Variants in BCAS3 observed in about 807,000 individuals in gnomAD.
BCAS3 encodes BCAS3 microtubule associated cell migration factor.
In BCAS3, 53 loss-of-function variants were observed where a neutral mutation model predicts 116.1. The ratio of observed to expected loss-of-function variants is 0.46; its 90% confidence interval spans 0.37 to 0.57. The LOEUF (loss-of-function observed/expected upper bound fraction) is 0.57. BCAS3 is among the 20% of genes least tolerant of loss of function. The pLI, the probability that BCAS3 is intolerant of heterozygous loss-of-function variation, is 0.00. For missense variants in BCAS3, 917 were observed against 1,165.4 expected (o/e 0.79, Z 3.10); for synonymous variants, 391 against 408.2 (o/e 0.96, Z 0.51).
chr17:60,783,443 A>T (rs914899475), intron 6 of BCAS3, among the ~76,000 whole-genome samples: 7 of 152,058 alleles, frequency 4.6e-5, no homozygotes, highest in Non-Finnish European at 1.0e-4. Context: ...GGGCTCAGGC[A>T]GTCTGCCTGC....
intron 22 of BCAS3, among the ~76,000 whole-genome samples, chr17:61,322,916 G>A (rs1440502624): frequency 3.3e-5 from 5 of 151,476 alleles, no homozygotes; most frequent in Admixed American, 6.6e-5. Flanking sequence ...GGGGCAAATC[G>A]TCATGGAATA....
chr17:60,976,640 T>A (rs2062399985), intron 14 of BCAS3, among the ~76,000 whole-genome samples: 4 of 152,186 alleles, frequency 2.6e-5, no homozygotes, highest in Middle Eastern at 3.4e-3. Context: ...TGGTGATGAC[T>A]CTTAAGGAGT....
chr17:61,344,460 T>C lies in BCAS3; in HGVS notation c.2426-23867T>C, dbSNP rs2057377599. On this transcript the variant is annotated intron_variant, in intron 22 of 23. Transcript: ENST00000407086. The surrounding 1 kb of genome is among the most constrained non-coding windows in gnomAD (Gnocchi z 4.1). ...TAAGTCCTTGATTCTCTGAGACCAC[T>C]ATAGAGACTTTAAAGAAGGTGGGTC... Among the ~76,000 whole-genome samples, 1 of 152,180 alleles carries C rather than the reference T, an allele frequency of 6.6e-6. No homozygotes were observed. Among genetic ancestry groups the C allele is most frequent in the Non-Finnish European group, 1.5e-5 (1 of 68,038 alleles).
chr17:61,170,072 C>T (rs2078748741), intron 22 of BCAS3, among the ~76,000 whole-genome samples: 1 of 151,934 alleles, frequency 6.6e-6, no homozygotes, highest in Non-Finnish European at 1.5e-5. Context: ...CCAGGCTGGT[C>T]TCGAACTCCT....
intron 16 of BCAS3, among the ~76,000 whole-genome samples, chr17:61,018,188 C>T (rs1490600758): frequency 6.6e-6 from 1 of 151,708 alleles, no homozygotes; most frequent in Non-Finnish European, 1.5e-5. Context: ...GATACTTGTC[C>T]CACAATGAGT....
chr17:61,041,247 A>G lies in BCAS3; in HGVS notation c.2029+355A>G, dbSNP rs996877922. Among the ~76,000 whole-genome samples, 7 of 151,960 alleles carry G rather than the reference A, an allele frequency of 4.6e-5. No homozygotes were observed. Among genetic ancestry groups the G allele is most frequent in the Non-Finnish European group, 8.8e-5 (6 of 67,998 alleles). ...GGAATCTGTTTCTAACATGGAAAAA[A>G]AAAAACCCCAAAACTTAGCACAGTT... On this transcript the variant is annotated intron_variant, in intron 19 of 23. Coordinates refer to ENST00000407086, the MANE Select transcript of BCAS3 (RefSeq NM_017679.5). This position sits in a 1 kb window ranked among gnomAD's most constrained non-coding sequence, Gnocchi z 4.7.
intron 22 of BCAS3, among the ~76,000 whole-genome samples, chr17:61,247,080 C>T (rs1445277810): frequency 6.6e-6 from 1 of 152,098 alleles, no homozygotes; most frequent in African/African-American, 2.4e-5. Flanking sequence ...TTCACTGCTA[C>T]TTTCTGACAT....
intron 7 of BCAS3, among the ~76,000 whole-genome samples, chr17:60,860,545 C>G (rs1263932885): frequency 6.6e-6 from 1 of 152,210 alleles, no homozygotes; most frequent in Non-Finnish European, 1.5e-5. Context: ...CTTATAAAAT[C>G]TTTGCCAGGG....
intron 22 of BCAS3, among the ~76,000 whole-genome samples, chr17:61,110,475 G>C (rs1407270431): frequency 6.6e-6 from 1 of 152,230 alleles, no homozygotes; most frequent in Non-Finnish European, 1.5e-5. Flanking sequence ...TCAAAGAAAG[G>C]GGTGACGGAC....
chr17:61,287,843 A>T (rs982381019), intron 22 of BCAS3, among the ~76,000 whole-genome samples: 2 of 152,272 alleles, frequency 1.3e-5, no homozygotes, highest in Admixed American at 1.3e-4. Context: ...TGTTCAGTAC[A>T]TACTATGTGC....
At chr17:61,076,566 G>T (rs751034917) in intron 20 of BCAS3, among the ~76,000 whole-genome samples, 1 of 152,240 alleles carries the variant, frequency 6.6e-6, no homozygotes, top group Non-Finnish European at 1.5e-5. Context: ...AATGCTGGCA[G>T]AGAAACCACT....
chr17:60,804,937 A>G (rs1443513829), intron 6 of BCAS3, among the ~76,000 whole-genome samples: 2 of 150,564 alleles, frequency 1.3e-5, no homozygotes, highest in Non-Finnish European at 3.0e-5. Flanking sequence ...TGGCTTTTAA[A>G]GATCCTGTGA....
intron 22 of BCAS3, among the ~76,000 whole-genome samples, chr17:61,169,760 AT>A (rs1221780370): frequency 6.6e-6 from 1 of 152,246 alleles, no homozygotes; most frequent in East Asian, 1.9e-4. Context: ...AGCCAAGAAT[AT>A]CTGTGGATAT....
At position 61,141,698 on chromosome 17, in the gene BCAS3, C is replaced by T. The variant is rs1210729429; in HGVS notation, c.2425+57134C>T. ...TGGGCGGATCACGAGGTCAAGAGATCAAGACCATCCCGGCCAACATGATGA... is the reference window on the plus strand; with the variant it reads ...TGGGCGGATCACGAGGTCAAGAGATTAAGACCATCCCGGCCAACATGATGA... On this transcript the variant is annotated intron_variant, in intron 22 of 23. Coordinates refer to ENST00000407086, the MANE Select transcript of BCAS3 (RefSeq NM_017679.5). This position sits in a 1 kb window ranked among gnomAD's most constrained non-coding sequence, Gnocchi z 4.3. 1.3e-5 allele frequency among the ~76,000 whole-genome samples: 2 copies of T among 151,776 alleles called. No homozygotes were observed. The highest frequency in any genetic ancestry group is 4.8e-5 in the African/African-American group (2 of 41,312).
chr17:61,189,099 C>T lies in BCAS3; in HGVS notation c.2425+104535C>T, dbSNP rs931799730. On this transcript the variant is annotated intron_variant, in intron 22 of 23. Coordinates refer to ENST00000407086, the MANE Select transcript of BCAS3 (RefSeq NM_017679.5). The surrounding 1 kb of genome is among the most constrained non-coding windows in gnomAD (Gnocchi z 4.5). ...GCCTGGGTGACAAAACAAGACCCTG[C>T]CTGAAAACAAAACAAAACAAAAAAA... Among the ~76,000 whole-genome samples the T allele has an allele frequency of 2.0e-5, 3 of 151,908 alleles. No individual in the cohort carries two copies. The highest frequency in any genetic ancestry group is 7.3e-5 in the African/African-American group (3 of 41,318).
At chr17:60,981,171 G>A (rs991818397) in intron 14 of BCAS3, among the ~76,000 whole-genome samples, 5 of 152,058 alleles carry the variant, frequency 3.3e-5, no homozygotes, top group African/African-American at 1.2e-4. Context: ...TTTTAATGTT[G>A]AAGAAGTATG....
chr17:60,961,598 CTTT>C lies in BCAS3; in HGVS notation c.1221+14250_1221+14252del, dbSNP rs1297027359. ...GTTTCTATACCATATCAAATTTCTCCTTTTTTATACTTAAAAAAATATACATAT... is the reference window on the plus strand; with the variant it reads ...GTTTCTATACCATATCAAATTTCTCCTTTATACTTAAAAAAATATACATAT... On this transcript the variant is annotated intron_variant, in intron 14 of 23. Transcript: ENST00000407086. This position sits in a 1 kb window ranked among gnomAD's most constrained non-coding sequence, Gnocchi z 4.8. 6.6e-6 allele frequency among the ~76,000 whole-genome samples: 1 copy of C among 151,918 alleles called. No homozygotes were observed. The highest frequency in any genetic ancestry group is 1.5e-5 in the Non-Finnish European group (1 of 67,982).
At position 60,994,511 on chromosome 17, in the gene BCAS3, T is replaced by G. The variant is rs1012510591; in HGVS notation, c.1486+4276T>G. ...ATATCAGTAATTTCTAACAATTTTT[T>G]ACTATCACAAGCACTTCCTTGTGGA... On this transcript the variant is annotated intron_variant, in intron 15 of 23. Coordinates refer to ENST00000407086, the MANE Select transcript of BCAS3 (RefSeq NM_017679.5). This position sits in a 1 kb window ranked among gnomAD's most constrained non-coding sequence, Gnocchi z 4.4. 1.3e-5 allele frequency among the ~76,000 whole-genome samples: 2 copies of G among 152,148 alleles called. No individual in the cohort carries two copies. Among genetic ancestry groups the G allele is most frequent in the Non-Finnish European group, 2.9e-5 (2 of 68,010 alleles).
intron 6 of BCAS3, among the ~76,000 whole-genome samples, chr17:60,780,408 T>C (rs1394131486): frequency 6.6e-6 from 1 of 151,996 alleles, no homozygotes; most frequent in Non-Finnish European, 1.5e-5. Flanking sequence ...GTTCAAGCGA[T>C]TCTCCTGCCT....
Sources: allele counts gnomAD v4.1 joint callset (sites outside exome capture counted in the v4.1 genomes callset), GRCh38; gene constraint gnomAD v4.1.1; non-coding constraint Gnocchi (gnomAD v3.1); transcripts MANE v1.5; gene names NCBI Gene and HGNC (gene_info 2026-07-23, HGNC 2026-07-21).